HAAO: variants seen among roughly 807,000 people sequenced by gnomAD.
The protein encoded by HAAO is 3-hydroxyanthranilate 3,4-dioxygenase, also known as 3-hydroxyanthranilate oxygenase.
HAAO carries 49 observed loss-of-function variants against 46.2 expected under a neutral mutation model. The observed-to-expected ratio is 1.06, with a 90% CI of 0.84 to 1.34. HAAO has a LOEUF of 1.34. HAAO is among the 40% of genes most tolerant of loss of function. The pLI is 0.00. For synonymous variants in HAAO, 157 were observed against 145.2 expected, an observed-to-expected ratio of 1.08 and a Z score of -0.58; for missense variants, 408 against 364.5, an observed-to-expected ratio of 1.12 and a Z score of -0.97.
At chr2:42,785,260 A>G (rs1672303158) in intron 2 of HAAO, among the ~76,000 whole-genome samples, 1 of 152,234 alleles carries the variant, frequency 6.6e-6, no homozygotes, top group Admixed American at 6.5e-5. Context: ...AAGAATGACA[A>G]AAGTAATGCT....
At chr2:42,778,004 A>G (rs928503982) in intron 4 of HAAO, among the ~76,000 whole-genome samples, 15 of 152,162 alleles carry the variant, frequency 9.9e-5, no homozygotes, top group African/African-American at 3.6e-4. Flanking sequence ...AGACTCTTGT[A>G]TGGTAAATTT....
intron 7 of HAAO, among the ~76,000 whole-genome samples, chr2:42,768,541 A>G (rs1337571905): frequency 1.3e-5 from 2 of 152,116 alleles, no homozygotes. Context: ...CGTCCCTGGT[A>G]CCCAAGAGCA....
rs4953660 is a variant in HAAO, at chr2:42,784,029, G to C, written c.160-162C>G. ...TTCTGTCCTGAGGCCTGTCTCCCCG[G>C]TGCATGCCATGGAGTGCCGGGGACA... On this transcript the variant is annotated intron_variant, in intron 2 of 9. Transcript: ENST00000294973. The C allele has an allele frequency of 1.0e-4, 89 of 856,838 alleles. No individual in the cohort carries two copies. The African/African-American group carries it at 1.4e-3, about 14-fold the overall frequency. 53.1% of individuals were successfully genotyped at this position (856,838 alleles called of 1,614,324 possible). A position where few individuals can be genotyped will look rare whatever the true frequency, so the allele number is the denominator to read the frequency against.
intron 1 of HAAO, among the ~76,000 whole-genome samples, chr2:42,791,948 A>C (rs901754220): frequency 3.4e-5 from 5 of 146,304 alleles, no homozygotes; most frequent in Non-Finnish European, 7.6e-5. Flanking sequence ...GTGTTCGTGC[A>C]CACCTGCATA....
In HAAO at chr2:42,792,385, G is replaced by A. The variant is rs1672869062; in HGVS notation, c.80+72C>T. ...TTCTGGGTCCAGGAACTCGGAGCTG[G>A]AAGGTGAGGGCGCAGATGGAGGAGG... On this transcript the variant is annotated intron_variant, in intron 1 of 9. Transcript: ENST00000294973. The A allele has an allele frequency of 5.0e-6, 4 of 801,930 alleles. No homozygotes were observed. In the South Asian group the frequency reaches 5.3e-5, roughly 11 times the overall value. The allele number at this position is 801,930 out of a possible 1,614,324, so 49.7% of individuals were successfully genotyped here.
At chr2:42,788,679 G>A in intron 1 of HAAO, 72 bp from the exon 2 acceptor site, 2 of 984,408 alleles carry the variant, frequency 2.0e-6, no homozygotes, top group Non-Finnish European at 3.3e-6. Context: ...GTCCCGTGGG[G>A]GCCAGGAGGG....
At chr2:42,771,472 C>A (rs1028258272) in intron 4 of HAAO, among the ~76,000 whole-genome samples, 1 of 151,202 alleles carries the variant, frequency 6.6e-6, no homozygotes, top group Non-Finnish European at 1.5e-5. Context: ...GAAGCCAACA[C>A]GCAGAAGATG....
At chr2:42,768,075 G>T in intron 7 of HAAO, 147 bp from the exon 8 acceptor site, 1 of 679,864 alleles carries the variant, frequency 1.5e-6, no homozygotes, top group Non-Finnish European at 2.5e-6. Flanking sequence ...CAGAGACCAG[G>T]ACTTGGAGAG....
chr2:42,767,541 TCA>T (rs772764318), intron 9 of HAAO, 26 bp from the exon 10 acceptor site: 4 of 1,600,838 alleles, frequency 2.5e-6, no homozygotes, highest in Non-Finnish European at 3.4e-6. Context: ...TGAGCAGGGA[TCA>T]CACAGAGTTG....
intron 4 of HAAO, among the ~76,000 whole-genome samples, chr2:42,777,430 T>C (rs1315650355): frequency 6.6e-6 from 1 of 152,104 alleles, no homozygotes; most frequent in Non-Finnish European, 1.5e-5. Context: ...CGTCTATCTA[T>C]GTGTTGTGTA....
At chr2:42,791,480 GTTGGCCATGTGGTA>G (rs139391185) in intron 1 of HAAO, among the ~76,000 whole-genome samples, 4,544 of 152,246 alleles carry the variant, frequency 0.03, 210 homozygotes, top group African/African-American at 0.1. Context: ...GATATTGACT[GTTGGCCATGTGGTA>G]TTGCATGGTA....
At chr2:42,777,303 C>CA (rs1215772853) in intron 4 of HAAO, among the ~76,000 whole-genome samples, 8,596 of 39,558 alleles carry the variant, frequency 0.22, 1,259 homozygotes, top group African/African-American at 0.41. Context: ...ACTCTTATCG[C>CA]AAAAAAAAAA....
At chr2:42,768,861 A>T (rs1434954612) in intron 7 of HAAO, among the ~76,000 whole-genome samples, 2 of 151,986 alleles carry the variant, frequency 1.3e-5, no homozygotes, top group African/African-American at 4.8e-5. Flanking sequence ...CACCAGTCAC[A>T]CTTGTACCCC....
At chr2:42,782,643 G>T in intron 4 of HAAO, 1 of 163,950 alleles carries the variant, frequency 6.1e-6, no homozygotes. Context: ...CTTAGGGCAA[G>T]CCTGCCCCCC....
intron 7 of HAAO, among the ~76,000 whole-genome samples, chr2:42,768,681 C>T (rs1376698189): frequency 1.3e-5 from 2 of 152,204 alleles, no homozygotes; most frequent in African/African-American, 4.8e-5. Context: ...CTGCACCACT[C>T]TTGCCCTCCC....
At chr2:42,773,689 C>T (rs1356900625) in intron 4 of HAAO, among the ~76,000 whole-genome samples, 1 of 151,526 alleles carries the variant, frequency 6.6e-6, no homozygotes, top group Non-Finnish European at 1.5e-5. Context: ...TGGGTTCATG[C>T]CATTCTCCTG....
intron 4 of HAAO, among the ~76,000 whole-genome samples, chr2:42,774,419 C>A (rs988966676): frequency 1.3e-5 from 2 of 152,184 alleles, no homozygotes; most frequent in African/African-American, 4.8e-5. Flanking sequence ...GGAGCACCCC[C>A]TCTAGAGAAT....
In HAAO at chr2:42,767,758, C is replaced by G. The variant is rs991116408; in HGVS notation, c.700-81G>C. The G allele has an allele frequency of 1.1e-5, 17 of 1,538,136 alleles. No homozygotes were observed. In the East Asian group the frequency reaches 3.8e-4, roughly 35 times the overall value. ...TGAATGTCTGAGTCTGCCTGGGCCCCAAGGCCCCAAGAGTGGGCCCCGTGT... is the reference window on the plus strand; with the variant it reads ...TGAATGTCTGAGTCTGCCTGGGCCCGAAGGCCCCAAGAGTGGGCCCCGTGT... On this transcript the variant is annotated intron_variant, in intron 8 of 9. Transcript: ENST00000294973.
intron 7 of HAAO, among the ~76,000 whole-genome samples, chr2:42,768,163 C>T (rs367739301): frequency 6.6e-6 from 1 of 152,250 alleles, no homozygotes; most frequent in Admixed American, 6.5e-5. Context: ...CTGCCTTTCA[C>T]GTGCAGTGCA....
Sources: gnomAD v4.1 joint callset for allele counts (sites outside exome capture counted in the v4.1 genomes callset) on GRCh38, gnomAD v4.1.1 for gene constraint, MANE v1.5 for transcripts, NCBI Gene and HGNC (gene_info 2026-07-23, HGNC 2026-07-21) for gene names.